Variants in NT5C3A observed in about 807,000 individuals in gnomAD.
NT5C3A encodes the protein 5'-nucleotidase, cytosolic IIIA, also known as cytosolic 5'-nucleotidase 3A.
NT5C3A carries 23 observed loss-of-function variants against 40.0 expected under a neutral mutation model. That is an observed-to-expected ratio of 0.58 (90% CI 0.41 to 0.81). NT5C3A has a LOEUF of 0.81. Ranked by LOEUF, NT5C3A falls within the 40% of genes least tolerant of loss-of-function variation. NT5C3A has a pLI of 0.00. For missense variants in NT5C3A, 328 were observed against 403.0 expected, an observed-to-expected ratio of 0.81 and a Z score of 1.59; for synonymous variants, 130 against 141.4, an observed-to-expected ratio of 0.92 and a Z score of 0.57.
intron 1 of NT5C3A, among the ~76,000 whole-genome samples, chr7:33,032,561 TCCC>T (rs1786338513): frequency 6.6e-6 from 1 of 150,582 alleles, no homozygotes; most frequent in Non-Finnish European, 1.5e-5. Context: ...GCTCAGGTGA[TCCC>T]CCCACCTCAG....
intron 1 of NT5C3A, among the ~76,000 whole-genome samples, chr7:33,031,604 A>T (rs979417056): frequency 6.6e-6 from 1 of 152,040 alleles, no homozygotes; most frequent in African/African-American, 2.4e-5. Flanking sequence ...AAATAAATAA[A>T]TAAAAAGATT....
intron 1 of NT5C3A, among the ~76,000 whole-genome samples, chr7:33,027,501 G>A (rs1198185670): frequency 6.6e-6 from 1 of 152,116 alleles, no homozygotes; most frequent in Non-Finnish European, 1.5e-5. Context: ...AAGTATAAAA[G>A]CAATGCACGC....
At chr7:33,017,228 G>A (rs569858650) in intron 7 of NT5C3A, 4 of 542,088 alleles carry the variant, frequency 7.4e-6, no homozygotes, top group South Asian at 5.2e-5. Flanking sequence ...TTTATTATTA[G>A]TCTATAGCTT....
At position 33,017,408 on chromosome 7, in the gene NT5C3A, A is replaced by G. The variant is rs767440426; in HGVS notation, c.693+31T>C. ...CATGATTAAAATATTTTCAGATTTTAAAATTATGAAGAACGATTTGATATT... is the reference window on the plus strand; with the variant it reads ...CATGATTAAAATATTTTCAGATTTTGAAATTATGAAGAACGATTTGATATT... On this transcript the variant is annotated intron_variant, in intron 7 of 8. Transcript: ENST00000610140. 148 of 1,501,308 alleles carry G rather than the reference A, an allele frequency of 9.9e-5. 2 individuals are homozygous for G. In the Middle Eastern group the frequency reaches 1.0e-3, roughly 11 times the overall value. 93.0% of individuals were successfully genotyped at this position (1,501,308 alleles called of 1,614,324 possible). A position where few individuals can be genotyped will look rare whatever the true frequency, so the allele number is the denominator to read the frequency against.
chr7:33,047,481 ATAACT>A (rs552855840), intron 1 of NT5C3A, among the ~76,000 whole-genome samples: 171 of 152,318 alleles, frequency 1.1e-3, no homozygotes, highest in Non-Finnish European at 2.0e-3. Flanking sequence ...CTGGCGGGTG[ATAACT>A]TGAGTTGAAT....
intron 2 of NT5C3A, among the ~76,000 whole-genome samples, chr7:33,025,446 T>C (rs992184691): frequency 3.9e-5 from 6 of 152,278 alleles, no homozygotes; most frequent in Admixed American, 1.3e-4. Flanking sequence ...TTTTCAGAAA[T>C]GTTTTAAAAA....
chr7:33,062,418 G>A, intron 1 of NT5C3A, 150 bp downstream of exon 1: 1 of 670,752 alleles, frequency 1.5e-6, no homozygotes, highest in Non-Finnish European at 2.4e-6. Flanking sequence ...CCCAAGCTGC[G>A]CGTCCCGAGC....
chr7:33,028,772 G>A (rs1786085875), intron 1 of NT5C3A, among the ~76,000 whole-genome samples: 1 of 151,992 alleles, frequency 6.6e-6, no homozygotes, highest in Non-Finnish European at 1.5e-5. Context: ...GTAGAGGAAA[G>A]AGGCCGGGCA....
chr7:33,018,381 C>G (rs1162483010), intron 6 of NT5C3A, among the ~76,000 whole-genome samples: 1 of 152,176 alleles, frequency 6.6e-6, no homozygotes, highest in Non-Finnish European at 1.5e-5. Flanking sequence ...TTAAAGAATG[C>G]TAATGTTGCC....
intron 1 of NT5C3A, among the ~76,000 whole-genome samples, chr7:33,042,464 C>T (rs1786968838): frequency 6.6e-6 from 1 of 152,164 alleles, no homozygotes; most frequent in South Asian, 2.1e-4. Context: ...AAACACTCCT[C>T]TAAGAGGACA....
chr7:33,035,856 T>G (rs1786568465), intron 1 of NT5C3A: 2 of 1,144,928 alleles, frequency 1.7e-6, no homozygotes, highest in Non-Finnish European at 1.3e-6. Context: ...AGTCCCATAA[T>G]TATCTGGTTA....
At chr7:33,061,337 A>G (rs1250556627) in intron 1 of NT5C3A, among the ~76,000 whole-genome samples, 1 of 152,268 alleles carries the variant, frequency 6.6e-6, no homozygotes, top group Non-Finnish European at 1.5e-5. Flanking sequence ...CCCTTTAAGA[A>G]TAAATTAATT....
At chr7:33,043,222 C>T (rs1787005183) in intron 1 of NT5C3A, among the ~76,000 whole-genome samples, 1 of 152,162 alleles carries the variant, frequency 6.6e-6, no homozygotes, top group Non-Finnish European at 1.5e-5. Flanking sequence ...GACATATGGT[C>T]TACTACTGAT....
At chr7:33,024,005 C>A (rs1289772373) in intron 3 of NT5C3A, 34 bp downstream of exon 3, 1 of 1,219,292 alleles carries the variant, frequency 8.2e-7, no homozygotes, top group South Asian at 1.2e-5. Context: ...TGATGACATG[C>A]TTTTGTGAAT....
intron 1 of NT5C3A, among the ~76,000 whole-genome samples, chr7:33,059,433 AT>A (rs1487917081): frequency 1.3e-5 from 2 of 152,088 alleles, no homozygotes; most frequent in South Asian, 4.1e-4. Context: ...CAAACCTGCC[AT>A]TTTTTCCTTC....
chr7:33,038,523 C>A (rs1786731213), intron 1 of NT5C3A, among the ~76,000 whole-genome samples: 4 of 145,116 alleles, frequency 2.8e-5, no homozygotes, highest in African/African-American at 5.1e-5. Flanking sequence ...GGTAAGTATA[C>A]CAACAATTCA....
At chr7:33,062,349 G>A (rs1412516976) in intron 1 of NT5C3A, among the ~76,000 whole-genome samples, 1 of 152,204 alleles carries the variant, frequency 6.6e-6, no homozygotes, top group Non-Finnish European at 1.5e-5. Flanking sequence ...GGCCGCAGCC[G>A]GGGACCCAAC....
intron 1 of NT5C3A, among the ~76,000 whole-genome samples, chr7:33,033,386 C>A (rs1786391161): frequency 6.6e-6 from 1 of 152,170 alleles, no homozygotes; most frequent in African/African-American, 2.4e-5. Flanking sequence ...ATTTCCCTTG[C>A]TTATTACATA....
intron 2 of NT5C3A, among the ~76,000 whole-genome samples, chr7:33,024,551 A>G (rs1010926673): frequency 4.6e-5 from 7 of 152,158 alleles, no homozygotes; most frequent in South Asian, 2.1e-4. Flanking sequence ...AGAGGCTGGG[A>G]AGGGTGGGAG....
Sources: allele counts gnomAD v4.1 joint callset (sites outside exome capture counted in the v4.1 genomes callset), GRCh38; gene constraint gnomAD v4.1.1; transcripts MANE v1.5; gene names NCBI Gene and HGNC (gene_info 2026-07-23, HGNC 2026-07-21).